The following SMG6 variants were observed in gnomAD, a reference collection of about 807,000 sequenced individuals.
SMG6 encodes the protein telomerase-binding protein EST1A.
A neutral mutation model predicts 142.2 loss-of-function variants in SMG6; 66 were observed. The ratio of observed to expected loss-of-function variants is 0.46; its 90% CI spans 0.38 to 0.57. SMG6 has a LOEUF of 0.57. Among genes scored for constraint, SMG6 ranks in the 20% least tolerant of loss-of-function variants. The pLI is 0.00. For missense variants in SMG6, 1,793 were observed against 1,832.0 expected (o/e 0.98, Z 0.39); for synonymous variants, 779 against 702.4 (o/e 1.11, Z -1.72).
chr17:2,128,677 A>G (rs2069988171), intron 13 of SMG6, among the ~76,000 whole-genome samples: 1 of 152,130 alleles, frequency 6.6e-6, no homozygotes, highest in Non-Finnish European at 1.5e-5. Flanking sequence ...TACAAAAATT[A>G]GCTGGGCGTG....
chr17:2,123,966 T>G (rs764706468), intron 13 of SMG6, among the ~76,000 whole-genome samples: 2 of 152,234 alleles, frequency 1.3e-5, no homozygotes, highest in Admixed American at 1.3e-4. Flanking sequence ...TGCTTTACAC[T>G]GAGAGGCCAG....
chr17:2,086,149 C>A (rs2068555263), intron 13 of SMG6, among the ~76,000 whole-genome samples: 1 of 152,128 alleles, frequency 6.6e-6, no homozygotes, highest in African/African-American at 2.4e-5. Context: ...CAGCAGACAA[C>A]CCCAGGGACC....
intron 13 of SMG6, among the ~76,000 whole-genome samples, chr17:2,170,134 G>T (rs1309623037): frequency 1.3e-5 from 2 of 152,154 alleles, no homozygotes; most frequent in Non-Finnish European, 2.9e-5. Flanking sequence ...CAGGAGTTTG[G>T]ATTTGGACAT....
chr17:2,118,794 G>C (rs2069588578), intron 13 of SMG6, among the ~76,000 whole-genome samples: 1 of 151,598 alleles, frequency 6.6e-6, no homozygotes, highest in African/African-American at 2.4e-5. Flanking sequence ...TCACTATGTT[G>C]TCCAAGCTGG....
intron 13 of SMG6, among the ~76,000 whole-genome samples, chr17:2,150,205 A>C (rs2070784957): frequency 6.6e-6 from 1 of 152,250 alleles, no homozygotes; most frequent in East Asian, 1.9e-4. Context: ...TGTGAACCAC[A>C]CGTGCAAGGA....
intron 4 of SMG6, among the ~76,000 whole-genome samples, chr17:2,294,941 T>C (rs779837120): frequency 2.6e-5 from 4 of 151,852 alleles, no homozygotes; most frequent in African/African-American, 9.7e-5. Flanking sequence ...AATAACGCAG[T>C]CTTAGCTCAC....
At chr17:2,140,148 C>T (rs919876631) in intron 13 of SMG6, among the ~76,000 whole-genome samples, 4 of 151,802 alleles carry the variant, frequency 2.6e-5, no homozygotes, top group African/African-American at 7.3e-5. Flanking sequence ...CTGCAACCTC[C>T]GCCTCCCAGG....
rs557019655 is a variant in SMG6 at position 2,084,612 on chromosome 17, T to C, written c.3534+1113A>G. Among the ~76,000 whole-genome samples, 28 of 152,326 alleles carry C rather than the reference T, an allele frequency of 1.8e-4. 1 individual carries two copies. Among genetic ancestry groups the C allele is most frequent in the South Asian group, 6.2e-4 (3 of 4,822 alleles). ...GCTGACATCTGGCTTCCTTGGCCTGTTGCTGACTTCATCCCTGTACCCCGC... is the reference window on the plus strand; with the variant it reads ...GCTGACATCTGGCTTCCTTGGCCTGCTGCTGACTTCATCCCTGTACCCCGC... On this transcript the variant is annotated intron_variant, in intron 14 of 18. Transcript: ENST00000263073.
At chr17:2,265,025 A>C (rs2074390470) in intron 8 of SMG6, among the ~76,000 whole-genome samples, 6 of 152,166 alleles carry the variant, frequency 3.9e-5, no homozygotes. Flanking sequence ...TCCAAATCCC[A>C]AGTCAGGTTC....
intron 8 of SMG6, among the ~76,000 whole-genome samples, chr17:2,259,878 T>A (rs1010795083): frequency 6.6e-6 from 1 of 152,070 alleles, no homozygotes; most frequent in Non-Finnish European, 1.5e-5. Context: ...CAGTTTAAGA[T>A]AGATGTGGTC....
intron 13 of SMG6, among the ~76,000 whole-genome samples, chr17:2,103,007 T>C (rs1458698329): frequency 6.6e-6 from 1 of 152,268 alleles, no homozygotes; most frequent in Admixed American, 6.5e-5. Context: ...ATTGTGTGTA[T>C]GTCCCACCTT....
intron 10 of SMG6, among the ~76,000 whole-genome samples, chr17:2,216,835 C>T (rs866884976): frequency 1.8e-4 from 28 of 151,952 alleles, no homozygotes; most frequent in Non-Finnish European, 4.0e-4. Flanking sequence ...CTAAATATTC[C>T]CTAATTGATC....
intron 12 of SMG6, among the ~76,000 whole-genome samples, chr17:2,182,579 T>A (rs1334809953): frequency 2.0e-5 from 3 of 152,128 alleles, no homozygotes; most frequent in African/African-American, 7.2e-5. Context: ...CATAAACTGC[T>A]GCCCAGAAAT....
chr17:2,282,664 T>G lies in SMG6; in HGVS notation c.2644A>C (p.Ser882Arg). Residue 882 changes from serine (S) to arginine (R), a missense_variant, in exon 8 of 19, where the codon AGC (serine) becomes CGC (arginine). Transcript: ENST00000263073. ...KDSEQENGLG[S>R]LSPSDLNKRF... Reference sequence around the variant, plus strand: ...GAACTTACATCACTGGGACTCAGGCTGCCCAGCCCATTCTCTTGCTCAGAA... The same window carrying G: ...GAACTTACATCACTGGGACTCAGGCGGCCCAGCCCATTCTCTTGCTCAGAA... 1 of 1,614,016 alleles carries G rather than the reference T, an allele frequency of 6.2e-7. No individual in the cohort carries two copies. The highest frequency in any genetic ancestry group is 1.3e-5 in the African/African-American group (1 of 75,040).
chr17:2,077,190 C>T (rs2068283317), intron 15 of SMG6, among the ~76,000 whole-genome samples: 2 of 152,208 alleles, frequency 1.3e-5, no homozygotes, highest in Admixed American at 1.3e-4. Context: ...GACACTGGCA[C>T]AGTAAATGCT....
chr17:2,144,248 G>C (rs144170789), intron 13 of SMG6, among the ~76,000 whole-genome samples: 1,549 of 151,908 alleles, frequency 0.01, 30 homozygotes, highest in African/African-American at 0.034. Context: ...CAGTAGAGAC[G>C]GGGTTTCGCC....
At chr17:2,137,466 G>T (rs2070340535) in intron 13 of SMG6, among the ~76,000 whole-genome samples, 1 of 152,042 alleles carries the variant, frequency 6.6e-6, no homozygotes, top group South Asian at 2.1e-4. Flanking sequence ...AAGAAATGGT[G>T]TGACAGTACT....
chr17:2,147,087 G>A (rs1169608918), intron 13 of SMG6, among the ~76,000 whole-genome samples: 1 of 152,096 alleles, frequency 6.6e-6, no homozygotes, highest in Non-Finnish European at 1.5e-5. Flanking sequence ...TTGTTCGTTT[G>A]GTTTAGAAAG....
intron 13 of SMG6, among the ~76,000 whole-genome samples, chr17:2,145,558 T>G (rs1304771007): frequency 1.5e-5 from 2 of 134,382 alleles, no homozygotes; most frequent in East Asian, 4.8e-4. Context: ...CTCACACCTG[T>G]AATCCCAAAA....
Sources: allele counts gnomAD v4.1 joint callset (sites outside exome capture counted in the v4.1 genomes callset), GRCh38; gene constraint gnomAD v4.1.1; transcripts MANE v1.5; gene names NCBI Gene and HGNC (gene_info 2026-07-23, HGNC 2026-07-21).